FRMD4A: variants seen among roughly 807,000 people sequenced by gnomAD.
The protein encoded by FRMD4A is FERM domain containing 4A, also known as FERM domain-containing protein 4A.
Under a neutral mutation model 129.1 loss-of-function variants are expected in FRMD4A, and 29 were observed. The ratio of observed to expected loss-of-function variants is 0.22; its 90% CI spans 0.17 to 0.31. The LOEUF (loss-of-function observed/expected upper bound fraction) is 0.31. Among genes scored for constraint, FRMD4A ranks in the 10% least tolerant of loss-of-function variants. FRMD4A has a pLI of 1.00. For synonymous variants in FRMD4A, 634 were observed against 571.6 expected (o/e 1.11, Z -1.56); for missense variants, 1,272 against 1,375.8 (o/e 0.92, Z 1.19).
intron 2 of FRMD4A, among the ~76,000 whole-genome samples, chr10:14,274,710 C>A (rs1845279798): frequency 6.6e-6 from 1 of 152,186 alleles, no homozygotes; most frequent in South Asian, 2.1e-4. Context: ...TCTCCCACCT[C>A]TTAGAAACAT....
At chr10:14,011,848 A>C (rs2095683615) in intron 2 of FRMD4A, among the ~76,000 whole-genome samples, 1 of 152,118 alleles carries the variant, frequency 6.6e-6, no homozygotes, top group Admixed American at 6.5e-5. Context: ...GTCTCTACTA[A>C]GAACACAAAC....
chr10:13,768,594 C>T (rs968505405), intron 6 of FRMD4A, among the ~76,000 whole-genome samples: 2 of 152,188 alleles, frequency 1.3e-5, no homozygotes, highest in African/African-American at 2.4e-5. Flanking sequence ...GTTTTCCTAA[C>T]GAATTCTCAC....
intron 2 of FRMD4A, among the ~76,000 whole-genome samples, chr10:13,931,726 T>A (rs1289568861): frequency 6.8e-6 from 1 of 146,132 alleles, no homozygotes; most frequent in Non-Finnish European, 1.5e-5. Context: ...TCACCTGAAG[T>A]CAGGAGTTTG....
chr10:14,266,157 T>TG (rs1303568961), intron 2 of FRMD4A, among the ~76,000 whole-genome samples: 3 of 30,452 alleles, frequency 9.9e-5, no homozygotes, highest in African/African-American at 4.2e-4. Context: ...TTCTTTGTCC[T>TG]GGGGGTGGGA....
At chr10:13,987,737 C>G (rs1401723143) in intron 2 of FRMD4A, among the ~76,000 whole-genome samples, 1 of 152,196 alleles carries the variant, frequency 6.6e-6, no homozygotes, top group Non-Finnish European at 1.5e-5. Flanking sequence ...TTTTCTTTAA[C>G]TCGATGCACA....
At chr10:13,754,491 T>C (rs2091771074) in intron 8 of FRMD4A, among the ~76,000 whole-genome samples, 1 of 152,136 alleles carries the variant, frequency 6.6e-6, no homozygotes, top group African/African-American at 2.4e-5. Flanking sequence ...GTGTGAAAGA[T>C]TCCATCTGCT....
rs112961069 is a variant in FRMD4A, at chr10:13,795,601, GT to G, written c.299+894del. 8.7e-3 allele frequency among the ~76,000 whole-genome samples: 1,331 copies of G among 152,326 alleles called. 14 individuals carry two copies. The highest frequency in any genetic ancestry group is 0.031 in the African/African-American group (1,276 of 41,574). On this transcript the variant is annotated intron_variant, in intron 5 of 24. Coordinates refer to ENST00000357447, the MANE Select transcript of FRMD4A (RefSeq NM_018027.5). ...CTGTTAGTATATTTCAAAGAACAGA[GT>G]TGTATGGCATGGGTGTAAGTGTTAG...
At position 13,755,031 on chromosome 10, in the gene FRMD4A, G is replaced by A. The variant is rs540309692; in HGVS notation, c.464+6616C>T. Among the ~76,000 whole-genome samples the A allele has an allele frequency of 2.2e-3, 338 of 152,194 alleles. 1 individual carries two copies. The highest frequency in any genetic ancestry group is 7.8e-3 in the African/African-American group (322 of 41,510). On this transcript the variant is annotated intron_variant, in intron 8 of 24. Transcript: ENST00000357447. ...TCTGTAAGTGCAGGGAAATGATATT[G>A]GTATACTAGGAATTGTGATTTACAG...
At chr10:14,245,912 C>A (rs1276649822) in intron 2 of FRMD4A, among the ~76,000 whole-genome samples, 1 of 152,180 alleles carries the variant, frequency 6.6e-6, no homozygotes, top group Admixed American at 6.5e-5. Flanking sequence ...ACTCTGAAAA[C>A]CCTCGTTGGA....
chr10:14,030,699 C>G (rs898594530), intron 2 of FRMD4A, among the ~76,000 whole-genome samples: 1 of 152,200 alleles, frequency 6.6e-6, no homozygotes, highest in African/African-American at 2.4e-5. Flanking sequence ...TTCTATAGGG[C>G]CCCTGGCAGC....
At chr10:13,862,624 C>G (rs1011273419) in intron 2 of FRMD4A, among the ~76,000 whole-genome samples, 4 of 152,224 alleles carry the variant, frequency 2.6e-5, no homozygotes, top group Non-Finnish European at 5.9e-5. Context: ...AGCAAAATGT[C>G]TCTGCAAACA....
At chr10:13,669,242 G>C (rs2083318295) in intron 17 of FRMD4A, among the ~76,000 whole-genome samples, 1 of 151,878 alleles carries the variant, frequency 6.6e-6, no homozygotes, top group Non-Finnish European at 1.5e-5. Context: ...GTATCTTTTT[G>C]GTAGAGATAG....
intron 3 of FRMD4A, among the ~76,000 whole-genome samples, chr10:13,840,798 A>C: frequency 6.8e-6 from 1 of 147,722 alleles, no homozygotes; most frequent in Admixed American, 6.8e-5. Context: ...CAAAAAAAAA[A>C]AAAAAAAAAA....
chr10:14,066,325 G>A (rs2447032), intron 2 of FRMD4A, among the ~76,000 whole-genome samples: 62,659 of 150,168 alleles, frequency 0.42, 13,585 homozygotes, highest in East Asian at 0.8. Flanking sequence ...TGTGGGGGGT[G>A]GTCCCTGTTG....
chr10:14,329,241 A>T (rs1843413184), intron 2 of FRMD4A, among the ~76,000 whole-genome samples: 1 of 152,202 alleles, frequency 6.6e-6, no homozygotes, highest in African/African-American at 2.4e-5. Flanking sequence ...GCCAAGCCTG[A>T]TGCAGGCTAC....
At chr10:13,659,584 G>A in intron 20 of FRMD4A, 94 bp from the exon 21 acceptor site, 1 of 1,294,792 alleles carries the variant, frequency 7.7e-7, no homozygotes, top group Non-Finnish European at 1.1e-6. Flanking sequence ...CAGCATGTGG[G>A]GAAAGCTCGC....
intron 2 of FRMD4A, among the ~76,000 whole-genome samples, chr10:14,131,844 C>T (rs1839276335): frequency 6.6e-6 from 1 of 152,118 alleles, no homozygotes; most frequent in Non-Finnish European, 1.5e-5. Context: ...GCACCTCTGG[C>T]CTTTTCTTAT....
intron 2 of FRMD4A, among the ~76,000 whole-genome samples, chr10:14,278,373 G>GAGGCTC (rs1202398534): frequency 4.6e-5 from 7 of 152,150 alleles, no homozygotes; most frequent in African/African-American, 1.7e-4. Flanking sequence ...CAAGTTCCCA[G>GAGGCTC]AGGCTCAGGC....
Position 13,651,948 on chromosome 10 carries a change from A to G in FRMD4A, c.3077T>C (p.Leu1026Pro), listed in dbSNP as rs1370756822. The change falls in exon 24 of 25, where the codon CTG (leucine) becomes CCG (proline). Residue 1026 changes from leucine to proline, a missense_variant. Around this residue, in one of 2 missense-constraint regions of FRMD4A, gnomAD observed 972 missense variants for 892.3 expected, o/e 1.09. Coordinates refer to ENST00000357447, the MANE Select transcript of FRMD4A (RefSeq NM_018027.5). ...GTGAGGTGGAGACTCAGACCCATCC[A>G]GAATGGGTGAGTTTTCTGTTGCTTC... ...TGEATENSPILDGSESPPHQS... is the reference protein window; with the variant it reads ...TGEATENSPIPDGSESPPHQS... 1.3e-6 allele frequency: 2 copies of G among 1,595,946 alleles called. No homozygotes were observed. The highest frequency in any genetic ancestry group is 1.7e-6 in the Non-Finnish European group (2 of 1,163,410).
Sources: allele counts gnomAD v4.1 joint callset (sites outside exome capture counted in the v4.1 genomes callset), GRCh38; gene constraint gnomAD v4.1.1; regional missense constraint gnomAD v4.1.1; transcripts MANE v1.5; gene names NCBI Gene and HGNC (gene_info 2026-07-23, HGNC 2026-07-21).